The following CACNA1E variants were observed in gnomAD, a reference collection of about 807,000 sequenced individuals.
CACNA1E encodes the protein voltage-dependent R-type calcium channel subunit alpha-1E.
CACNA1E carries 40 observed loss-of-function variants against 259.2 expected under a neutral mutation model. The observed-to-expected ratio is 0.15, with a 90% confidence interval of 0.12 to 0.20. The LOEUF is 0.20. Among genes scored for constraint, CACNA1E ranks in the 10% least tolerant of loss-of-function variants. CACNA1E has a pLI of 1.00. For missense variants in CACNA1E, 1,874 were observed against 3,040.1 expected, an observed-to-expected ratio of 0.62 and a Z score of 9.02; for synonymous variants, 1,104 against 1,138.5, an observed-to-expected ratio of 0.97 and a Z score of 0.61.
intron 3 of CACNA1E, among the ~76,000 whole-genome samples, chr1:181,532,368 C>T (rs1022985086): frequency 2.0e-5 from 3 of 152,202 alleles, no homozygotes; most frequent in African/African-American, 7.2e-5. Context: ...ATAATTGATT[C>T]AGAAGCTTTG....
At chr1:181,357,127 C>G (rs900401407) in intron 1 of CACNA1E, among the ~76,000 whole-genome samples, 1 of 152,178 alleles carries the variant, frequency 6.6e-6, no homozygotes, top group South Asian at 2.1e-4. Flanking sequence ...TCCTCCCCCA[C>G]CCACTGCTGG....
At chr1:181,381,969 G>GCTACCACCT (rs1368950344) in intron 1 of CACNA1E, among the ~76,000 whole-genome samples, 1 of 152,194 alleles carries the variant, frequency 6.6e-6, no homozygotes, top group Non-Finnish European at 1.5e-5. Flanking sequence ...ACGAAAATGT[G>GCTACCACCT]CACATGAGCA....
At chr1:181,621,395 T>C (rs1240652862) in intron 6 of CACNA1E, among the ~76,000 whole-genome samples, 1 of 152,150 alleles carries the variant, frequency 6.6e-6, no homozygotes, top group East Asian at 1.9e-4. Flanking sequence ...GTGTTAAAGG[T>C]AATTCAGTAT....
At chr1:181,735,744 A>G (rs1655977184) in intron 21 of CACNA1E, among the ~76,000 whole-genome samples, 1 of 152,222 alleles carries the variant, frequency 6.6e-6, no homozygotes, top group South Asian at 2.1e-4. Flanking sequence ...CTTCCATTGC[A>G]GGGTGATTCA....
At chr1:181,348,945 G>A (rs552944022) in intron 1 of CACNA1E, among the ~76,000 whole-genome samples, 2 of 152,296 alleles carry the variant, frequency 1.3e-5, no homozygotes, top group East Asian at 3.9e-4. Context: ...GGGCAGGACT[G>A]GAACCCAGGA....
intron 1 of CACNA1E, among the ~76,000 whole-genome samples, chr1:181,393,778 T>C (rs917843931): frequency 2.3e-4 from 35 of 152,224 alleles, no homozygotes; most frequent in Non-Finnish European, 4.0e-4. Context: ...GGTGATCTTT[T>C]CTGATGGGGG....
At chr1:181,557,497 AGTGTCCTGTTC>A (rs1212013105) in intron 3 of CACNA1E, among the ~76,000 whole-genome samples, 1 of 151,442 alleles carries the variant, frequency 6.6e-6, no homozygotes, top group Non-Finnish European at 1.5e-5. Context: ...GTGGAGCAGG[AGTGTCCTGTTC>A]GCATGCCAAG....
upstream of CACNA1E, among the ~76,000 whole-genome samples, chr1:181,480,137 T>C (rs1663137303): frequency 6.6e-6 from 1 of 151,836 alleles, no homozygotes. Context: ...AAACAACAAC[T>C]GTAGCTGCCT....
At chr1:181,557,189 G>A (rs564933210) in intron 3 of CACNA1E, among the ~76,000 whole-genome samples, 98 of 152,300 alleles carry the variant, frequency 6.4e-4, no homozygotes, top group Middle Eastern at 3.4e-3. Context: ...AGCCCTGCAG[G>A]TCCATAGCAG....
At chr1:181,602,610 T>C (rs1046309527) in intron 6 of CACNA1E, among the ~76,000 whole-genome samples, 3 of 152,144 alleles carry the variant, frequency 2.0e-5, no homozygotes, top group African/African-American at 7.2e-5. Flanking sequence ...TGCACTGTAT[T>C]TGTTCTAGTT....
intron 3 of CACNA1E, among the ~76,000 whole-genome samples, chr1:181,556,804 C>A (rs1368439779): frequency 2.0e-5 from 3 of 152,158 alleles, no homozygotes; most frequent in Non-Finnish European, 4.4e-5. Context: ...GAGTGAAGAT[C>A]AAAGTGTGTT....
intron 1 of CACNA1E, among the ~76,000 whole-genome samples, chr1:181,342,687 G>A (rs1652258978): frequency 6.6e-6 from 1 of 152,106 alleles, no homozygotes; most frequent in South Asian, 2.1e-4. Flanking sequence ...TGCATGGTTG[G>A]GTGATAAAAT....
intron 1 of CACNA1E, among the ~76,000 whole-genome samples, chr1:181,364,554 A>G (rs965695122): frequency 6.6e-6 from 1 of 152,222 alleles, no homozygotes; most frequent in Non-Finnish European, 1.5e-5. Context: ...AAGAAATAAC[A>G]GGGATGGATG....
rs528010247 is a variant in CACNA1E, at chr1:181,758,541, A to G, written c.4495-217A>G. 1.3e-5 allele frequency among the ~76,000 whole-genome samples: 2 copies of G among 152,232 alleles called. No homozygotes were observed. The highest frequency in any genetic ancestry group is 1.9e-4 in the East Asian group (1 of 5,176). ...CTCTAGGAAGACTGGCTGTTTTGCT[A>G]TTAAGTCTGGTGGGGCGTGGGTCTG... On this transcript the variant is annotated intron_variant, in intron 31 of 47. Coordinates refer to ENST00000367573, the MANE Select transcript of CACNA1E (RefSeq NM_001205293.3). This position sits in a 1 kb window ranked among gnomAD's most constrained non-coding sequence, Gnocchi z 4.2.
intron 6 of CACNA1E, among the ~76,000 whole-genome samples, chr1:181,639,320 C>T (rs567550928): frequency 3.3e-5 from 5 of 152,296 alleles, no homozygotes; most frequent in Admixed American, 2.6e-4. Flanking sequence ...GATCTCCTGA[C>T]CTTGTGATCC....
Position 181,543,613 on chromosome 1 carries a change from C to G in CACNA1E, c.512+32103C>G, listed in dbSNP as rs528224493. Among the ~76,000 whole-genome samples the G allele has an allele frequency of 7.2e-5, 11 of 152,300 alleles. No individual in the cohort carries two copies. In the South Asian group the frequency reaches 2.3e-3, roughly 32 times the overall value. ...CTCTGCAGACTGAGAAGAGGGTCCT[C>G]GCCAGGAATCTAACTGGCCAGCACC... On this transcript the variant is annotated intron_variant, in intron 3 of 47. Coordinates refer to ENST00000367573, the MANE Select transcript of CACNA1E (RefSeq NM_001205293.3).
rs553869028 is a variant in CACNA1E at position 181,721,655 on chromosome 1, G to C, written c.1957-103G>C. ...CTCCCTGGCAAGATTGTCAAGCAAG[G>C]GGGTAGATGCAAAAGACCCAGGCCC... On this transcript the variant is annotated intron_variant, in intron 15 of 47. Coordinates refer to ENST00000367573, the MANE Select transcript of CACNA1E (RefSeq NM_001205293.3). 3 of 588,738 alleles carry C rather than the reference G, an allele frequency of 5.1e-6. No individual in the cohort carries two copies. The Admixed American group carries it at 8.0e-5, about 16-fold the overall frequency. 36.5% of individuals were successfully genotyped at this position (588,738 alleles called of 1,614,324 possible).
At chr1:181,427,426 C>A (rs60200539) in intron 2 of CACNA1E, among the ~76,000 whole-genome samples, 54,145 of 139,352 alleles carry the variant, frequency 0.39, 10,868 homozygotes, top group African/African-American at 0.44. Flanking sequence ...TCCACCTCAA[C>A]TTCTCCCTCA....
rs188197669 is a variant in CACNA1E, at chr1:181,734,356, G to C, written c.3262+606G>C. On this transcript the variant is annotated intron_variant, in intron 21 of 47. Coordinates refer to ENST00000367573, the MANE Select transcript of CACNA1E (RefSeq NM_001205293.3). ...TAGGCAACAAATGTTAATCAATGGTGTCCTAAAGGGAAACACAGCCAAAAA... is the reference window on the plus strand; with the variant it reads ...TAGGCAACAAATGTTAATCAATGGTCTCCTAAAGGGAAACACAGCCAAAAA... Among the ~76,000 whole-genome samples the C allele has an allele frequency of 3.3e-4, 50 of 151,786 alleles. No individual in the cohort carries two copies. In the East Asian group the frequency reaches 8.7e-3, roughly 26 times the overall value.
Sources: allele counts gnomAD v4.1 joint callset (sites outside exome capture counted in the v4.1 genomes callset), GRCh38; gene constraint gnomAD v4.1.1; non-coding constraint Gnocchi (gnomAD v3.1); transcripts MANE v1.5; gene names NCBI Gene and HGNC (gene_info 2026-07-23, HGNC 2026-07-21).